Variants in IL1RAPL1 observed in about 807,000 individuals in gnomAD.
IL1RAPL1 encodes interleukin-1 receptor accessory protein-like 1.
Under a neutral mutation model 48.4 loss-of-function variants are expected in IL1RAPL1, and 3 were observed. The ratio of observed to expected loss-of-function variants is 0.06; its 90% CI spans 0.03 to 0.16. The LOEUF (loss-of-function observed/expected upper bound fraction) is 0.16. Ranked by LOEUF, IL1RAPL1 falls within the 10% of genes least tolerant of loss-of-function variation. The probability of loss-of-function intolerance (pLI) is 1.00; values close to 1 mark genes in which losing one functional copy is unlikely to be tolerated. For missense variants in IL1RAPL1, 349 were observed against 530.6 expected (o/e 0.66, Z 3.36); for synonymous variants, 185 against 187.7 (o/e 0.99, Z 0.12).
At chrX:29,481,011 A>C (rs1338954582) in intron 5 of IL1RAPL1, among the ~76,000 whole-genome samples, 2 of 112,293 alleles carry the variant, frequency 1.8e-5, no homozygotes, top group African/African-American at 6.5e-5. Context: ...CAGTCAATTT[A>C]ATATATAATC....
chrX:29,680,068 A>G (rs952941255), intron 6 of IL1RAPL1, among the ~76,000 whole-genome samples: 1 of 111,180 alleles, frequency 9.0e-6, no homozygotes, highest in African/African-American at 3.3e-5. Flanking sequence ...TTTTTTTTTG[A>G]GGGGTCAACT....
chrX:29,521,426 A>G (rs1935502069), intron 5 of IL1RAPL1, among the ~76,000 whole-genome samples: 1 of 111,827 alleles, frequency 8.9e-6, no homozygotes, highest in Non-Finnish European at 1.9e-5. Context: ...ATATGATCTC[A>G]CCACTACCAG....
chrX:29,273,877 A>G (rs1036849042), intron 2 of IL1RAPL1, among the ~76,000 whole-genome samples: 3 of 111,901 alleles, frequency 2.7e-5, no homozygotes, highest in African/African-American at 9.7e-5. Flanking sequence ...CATCAAGGCA[A>G]TCTTCTATAC....
intron 1 of IL1RAPL1, among the ~76,000 whole-genome samples, chrX:28,730,279 T>A (rs185167787): frequency 9.0e-6 from 1 of 111,716 alleles, no homozygotes; most frequent in Non-Finnish European, 1.9e-5. Flanking sequence ...ATGACCTGAA[T>A]CTTTGAATAT....
chrX:29,477,195 G>GA (rs1312251159), intron 5 of IL1RAPL1, among the ~76,000 whole-genome samples: 1 of 111,192 alleles, frequency 9.0e-6, no homozygotes, highest in Non-Finnish European at 1.9e-5. Context: ...TTTGAAAATG[G>GA]AAAAAATAGG....
At chrX:29,563,149 G>C (rs1234854403) in intron 5 of IL1RAPL1, among the ~76,000 whole-genome samples, 1 of 111,984 alleles carries the variant, frequency 8.9e-6, no homozygotes, top group East Asian at 2.8e-4. Context: ...GAGATATAGA[G>C]ATAAAGTACA....
At chrX:29,666,145 T>G (rs1039968459) in intron 5 of IL1RAPL1, among the ~76,000 whole-genome samples, 1 of 111,267 alleles carries the variant, frequency 9.0e-6, no homozygotes, top group Non-Finnish European at 1.9e-5. Context: ...TAAATTTTTA[T>G]TAAAGTTTTT....
intron 2 of IL1RAPL1, among the ~76,000 whole-genome samples, chrX:28,932,575 CAATT>C (rs1923912340): frequency 1.8e-5 from 2 of 110,972 alleles, no homozygotes; most frequent in East Asian, 2.8e-4. Flanking sequence ...AATAAAGAAA[CAATT>C]AACCTAGATA....
chrX:28,989,917 T>A (rs1424350611), intron 2 of IL1RAPL1, among the ~76,000 whole-genome samples: 5 of 111,938 alleles, frequency 4.5e-5, no homozygotes, highest in African/African-American at 1.6e-4. Context: ...GTAGTTATGT[T>A]AAATAGTTAC....
intron 3 of IL1RAPL1, among the ~76,000 whole-genome samples, chrX:29,380,226 T>C (rs773701212): frequency 9.9e-5 from 11 of 110,787 alleles, no homozygotes; most frequent in Non-Finnish European, 1.9e-4. Flanking sequence ...GTTTATTTTG[T>C]GTTTTTTTGT....
intron 2 of IL1RAPL1, among the ~76,000 whole-genome samples, chrX:28,790,674 T>C (rs754625350): frequency 5.3e-5 from 6 of 112,787 alleles, no homozygotes; most frequent in Non-Finnish European, 1.1e-4. Flanking sequence ...ACTGTTGTTA[T>C]GTCTACACAT....
intron 6 of IL1RAPL1, among the ~76,000 whole-genome samples, chrX:29,850,100 A>G (rs1300093014): frequency 8.9e-6 from 1 of 111,942 alleles, no homozygotes; most frequent in Non-Finnish European, 1.9e-5. Flanking sequence ...TTTGGCATTT[A>G]AGGGCACCTG....
intron 6 of IL1RAPL1, among the ~76,000 whole-genome samples, chrX:29,788,377 T>C (rs1375656207): frequency 2.7e-5 from 3 of 111,641 alleles, no homozygotes; most frequent in African/African-American, 9.8e-5. Flanking sequence ...GAAGGTGATA[T>C]ATGCTAAGAA....
intron 5 of IL1RAPL1, among the ~76,000 whole-genome samples, chrX:29,468,967 C>T (rs1934892619): frequency 8.9e-6 from 1 of 111,779 alleles, no homozygotes; most frequent in Non-Finnish European, 1.9e-5. Flanking sequence ...GTAGCATTGG[C>T]ACCTCTTCAC....
At chrX:29,954,147 A>G (rs779649449) in intron 9 of IL1RAPL1, among the ~76,000 whole-genome samples, 1 of 101,962 alleles carries the variant, frequency 9.8e-6, no homozygotes, top group African/African-American at 3.6e-5. Flanking sequence ...GAGGCAGGAG[A>G]ATGGCTTGAG....
rs6628460 is a variant in IL1RAPL1, at chrX:29,600,278, T to G, written c.704-68152T>G. On this transcript the variant is annotated intron_variant, in intron 5 of 10. Transcript: ENST00000378993. ...AAGCTTCCTGAGAGCCAAACTGCAG[T>G]GATTGTCTTTGCTCTTCTGGGTCTA... 2.2e-3 allele frequency among the ~76,000 whole-genome samples: 245 copies of G among 111,435 alleles called. 5 individuals are homozygous for G. The East Asian group carries it at 0.063, about 29-fold the overall frequency.
At chrX:29,193,058 T>G (rs757920012) in intron 2 of IL1RAPL1, among the ~76,000 whole-genome samples, 39 of 111,149 alleles carry the variant, frequency 3.5e-4, no homozygotes, top group Non-Finnish European at 6.6e-4. Context: ...AGCATGCTTA[T>G]AAACATTCTT....
intron 2 of IL1RAPL1, among the ~76,000 whole-genome samples, chrX:28,832,750 T>TA (rs1303913139): frequency 9.2e-6 from 1 of 109,263 alleles, no homozygotes; most frequent in African/African-American, 3.3e-5. Flanking sequence ...TTTTTTTTTT[T>TA]AAAACCTTAG....
chrX:28,807,379 G>GT (rs200746473), intron 2 of IL1RAPL1, among the ~76,000 whole-genome samples: 12,149 of 110,934 alleles, frequency 0.11, 529 homozygotes, highest in Middle Eastern at 0.27. Flanking sequence ...ATTACAGCTG[G>GT]TAGGTACAGA....
Sources: gnomAD v4.1 joint callset for allele counts (sites outside exome capture counted in the v4.1 genomes callset) on GRCh38, gnomAD v4.1.1 for gene constraint, MANE v1.5 for transcripts, NCBI Gene and HGNC (gene_info 2026-07-23, HGNC 2026-07-21) for gene names.